SERAC1: variants seen among roughly 807,000 people sequenced by gnomAD.
SERAC1 encodes the protein protein SERAC1.
In SERAC1, 36 loss-of-function variants were observed where a neutral mutation model predicts 85.7. That is an observed-to-expected ratio of 0.42 (90% CI 0.32 to 0.55). The LOEUF is 0.55. Among genes scored for constraint, SERAC1 ranks in the 20% least tolerant of loss-of-function variants. The pLI is 0.11. For missense variants in SERAC1, 629 were observed against 796.2 expected (o/e 0.79, Z 2.53); for synonymous variants, 242 against 265.3 (o/e 0.91, Z 0.85).
At chr6:158,114,659 T>C in intron 15 of SERAC1, 130 bp downstream of exon 15, 2 of 658,390 alleles carry the variant, frequency 3.0e-6, no homozygotes, top group East Asian at 7.4e-5. Context: ...AAAATTTCCA[T>C]GAATAGTCTA....
intron 2 of SERAC1, among the ~76,000 whole-genome samples, chr6:158,157,011 T>C (rs768923026): frequency 5.5e-5 from 8 of 146,126 alleles, no homozygotes; most frequent in Non-Finnish European, 1.2e-4. Flanking sequence ...TATATATATA[T>C]GTATAGACAG....
At chr6:158,164,368 A>C (rs544609673) in intron 1 of SERAC1, among the ~76,000 whole-genome samples, 242 of 152,050 alleles carry the variant, frequency 1.6e-3, no homozygotes, top group Non-Finnish European at 2.0e-3. Flanking sequence ...CCAGCTACTC[A>C]GGAGGCTGAG....
chr6:158,130,544 AC>A, intron 8 of SERAC1, 58 bp from the exon 9 acceptor site: 1 of 1,075,558 alleles, frequency 9.3e-7, no homozygotes, highest in South Asian at 1.5e-5. Context: ...TTTTTGTTTG[AC>A]AAAAAAAAAG....
intron 15 of SERAC1, chr6:158,114,587 T>C (rs1689342434): frequency 4.6e-6 from 6 of 1,314,162 alleles, no homozygotes; most frequent in Non-Finnish European, 5.9e-6. Flanking sequence ...ATTACAATGC[T>C]TGAGTAAATA....
At chr6:158,159,244 T>C (rs2128425093) in intron 1 of SERAC1, 1 of 152,170 alleles carries the variant, frequency 6.6e-6, no homozygotes, top group East Asian at 1.9e-4. Flanking sequence ...CTAGAAATTA[T>C]TATAATCCCA....
At chr6:158,157,007 T>C (rs1237333037) in intron 2 of SERAC1, among the ~76,000 whole-genome samples, 1 of 145,970 alleles carries the variant, frequency 6.9e-6, no homozygotes, top group African/African-American at 2.5e-5. Flanking sequence ...TATATATATA[T>C]ATATGTATAG....
At position 158,148,876 on chromosome 6, in the gene SERAC1, T is replaced by C; in HGVS notation, c.344A>G (p.Asn115Ser). The C allele has an allele frequency of 6.2e-7, 1 of 1,608,964 alleles. No homozygotes were observed. Among genetic ancestry groups the C allele is most frequent in the Non-Finnish European group, 8.5e-7 (1 of 1,177,462 alleles). Residue 115 changes from asparagine (N) to serine (S), a missense_variant, in exon 5 of 17, where the codon AAT becomes AGT. Transcript: ENST00000647468. The part of the protein sequence containing the change: ...VLATSAKILR[N>S]PFADPFSTVD... ...TAGTGGATATTTACCAGCAAATGGA[T>C]TCCGCAGTATCTTGGCTGATGTTGC...
intron 16 of SERAC1, chr6:158,111,847 A>G (rs1784150738): frequency 6.1e-6 from 1 of 164,696 alleles, no homozygotes; most frequent in African/African-American, 2.4e-5. Context: ...AGTTTCTATT[A>G]TAAACTTCCT....
chr6:158,113,675 G>C, intron 15 of SERAC1, 83 bp from the exon 16 acceptor site: 1 of 1,246,712 alleles, frequency 8.0e-7, no homozygotes, highest in Non-Finnish European at 1.1e-6. Flanking sequence ...AATTTAGAGA[G>C]GAAATTAGAA....
chr6:158,113,608 G>C lies in SERAC1; in HGVS notation c.1685-16C>G. The C allele has an allele frequency of 6.3e-7, 1 of 1,594,398 alleles. No individual in the cohort carries two copies. ...GCAGGAGAATCTGTAAAATTATACAGAACAAGACTGTGACAAGTTGTTTAC... is the reference window on the plus strand; with the variant it reads ...GCAGGAGAATCTGTAAAATTATACACAACAAGACTGTGACAAGTTGTTTAC... On this transcript the variant is annotated splice_polypyrimidine_tract_variant and intron_variant, in intron 15 of 16. Transcript: ENST00000647468.
chr6:158,120,462 C>T lies in SERAC1; in HGVS notation c.1129G>A (p.Asp377Asn). ...DRETVQEKYQ[D>N]GVYVLHPQYR... is the part of the protein sequence containing the mutation. ...TGGGGATGCAGCACATATACGCCAT[C>T]CTGATATTTTTCTTGCACAGTTTCT... The change falls in exon 11 of 17, where the codon GAT becomes AAT. Residue 377 changes from aspartate (D) to asparagine (N), a missense_variant. Asp to Asn is a conservative substitution (Grantham distance 23). Transcript: ENST00000647468. This position sits in a 1 kb window ranked among gnomAD's most constrained non-coding sequence, Gnocchi z 4.4. 5 of 1,613,986 alleles carry T rather than the reference C, an allele frequency of 3.1e-6. No homozygotes were observed. The highest frequency in any genetic ancestry group is 4.2e-6 in the Non-Finnish European group (5 of 1,179,970).
intron 1 of SERAC1, among the ~76,000 whole-genome samples, chr6:158,160,342 G>C (rs910827701): frequency 6.6e-6 from 1 of 152,038 alleles, no homozygotes; most frequent in African/African-American, 2.4e-5. Flanking sequence ...TGACTCTCTA[G>C]TGCAAAACAC....
intron 8 of SERAC1, among the ~76,000 whole-genome samples, chr6:158,142,457 C>A (rs1490319428): frequency 3.3e-5 from 5 of 151,774 alleles, no homozygotes; most frequent in African/African-American, 1.2e-4. Context: ...CAGTTGTGAG[C>A]CACTGCCCTC....
chr6:158,130,530 A>G (rs1228774867), intron 8 of SERAC1, 44 bp from the exon 9 acceptor site: 3 of 1,230,220 alleles, frequency 2.4e-6, no homozygotes, highest in Admixed American at 2.4e-5. Flanking sequence ...AAAAGTGACT[A>G]ATATTTTTGT....
intron 8 of SERAC1, among the ~76,000 whole-genome samples, chr6:158,140,924 A>T (rs1784901324): frequency 6.6e-6 from 1 of 152,192 alleles, no homozygotes; most frequent in Non-Finnish European, 1.5e-5. Context: ...CTTGTACAGT[A>T]CAGTTTTTTT....
At chr6:158,137,089 T>C (rs1175173774) in intron 8 of SERAC1, among the ~76,000 whole-genome samples, 1 of 149,436 alleles carries the variant, frequency 6.7e-6, no homozygotes, top group Non-Finnish European at 1.5e-5. Flanking sequence ...ATGCGGGAGA[T>C]GGAGCTTGCA....
At chr6:158,118,132 T>C (rs1385088587) in intron 12 of SERAC1, among the ~76,000 whole-genome samples, 2 of 152,206 alleles carry the variant, frequency 1.3e-5, no homozygotes, top group Non-Finnish European at 2.9e-5. Flanking sequence ...AAGAATTTAG[T>C]AGAATGCTAT....
At chr6:158,118,321 A>C (rs1784339402) in intron 12 of SERAC1, among the ~76,000 whole-genome samples, 1 of 152,256 alleles carries the variant, frequency 6.6e-6, no homozygotes, top group South Asian at 2.1e-4. Context: ...AAGGAGAATA[A>C]GTAGTAATGG....
At chr6:158,144,944 A>T (rs1785017425) in intron 6 of SERAC1, among the ~76,000 whole-genome samples, 1 of 152,184 alleles carries the variant, frequency 6.6e-6, no homozygotes, top group Non-Finnish European at 1.5e-5. Context: ...CAATAATGGC[A>T]GTTTATAACC....
Sources: allele counts gnomAD v4.1 joint callset (sites outside exome capture counted in the v4.1 genomes callset), GRCh38; gene constraint gnomAD v4.1.1; non-coding constraint Gnocchi (gnomAD v3.1); transcripts MANE v1.5; gene names NCBI Gene and HGNC (gene_info 2026-07-23, HGNC 2026-07-21).